The following SMIM43 variants were observed in gnomAD, a reference collection of about 807,000 sequenced individuals.
SMIM43 encodes Nodal Enhanced MEsendoderm Peptide.
chr4:121,762,162 A>G (rs1054504854), intron 3 of SMIM43, among the ~76,000 whole-genome samples: 2 of 152,208 alleles, frequency 1.3e-5, no homozygotes, highest in African/African-American at 4.8e-5. Context: ...CTTTAAAAAT[A>G]GATTTGGCAC....
chr4:121,765,220 C>A (rs1028166883), upstream of SMIM43: 9 of 383,142 alleles, frequency 2.3e-5, no homozygotes, highest in African/African-American at 8.3e-5. Flanking sequence ...GAGGGCGTCC[C>A]GCTATGGGCG....
chr4:121,760,106 T>A lies in SMIM43; in HGVS notation c.*868A>T. On this transcript the variant is annotated 3_prime_UTR_variant, in exon 6 of 6. Transcript: ENST00000643802. ...AGAGGGGAGCAGTGCTGCTTGGAGC[T>A]TTGACAGTTGTGAAGGAACTAGAGT... The A allele has an allele frequency of 1.2e-6, 1 of 836,114 alleles. No homozygotes were observed. Among genetic ancestry groups the A allele is most frequent in the Non-Finnish European group, 1.8e-6 (1 of 570,258 alleles). The allele number at this position is 836,114 out of a possible 1,614,324, so 51.8% of individuals were successfully genotyped here.
intron 2 of SMIM43, 85 bp from the exon 3 acceptor site, chr4:121,762,883 T>C (rs978149386): frequency 6.6e-6 from 1 of 152,360 alleles, no homozygotes; most frequent in Non-Finnish European, 1.5e-5. Context: ...AAGTGTGAAA[T>C]GATTGTTTTC....
Position 121,764,959 on chromosome 4 carries a change from C to A in SMIM43, c.147G>T (p.Ser49=). 2.5e-6 allele frequency: 1 copy of A among 398,548 alleles called. No individual in the cohort carries two copies. Among genetic ancestry groups the A allele is most frequent in the Non-Finnish European group, 4.4e-6 (1 of 225,700 alleles). 24.7% of individuals were successfully genotyped at this position (398,548 alleles called of 1,614,324 possible). A position where few individuals can be genotyped will look rare whatever the true frequency, so the allele number is the denominator to read the frequency against. The change falls in exon 1 of 6, where the codon TCG becomes TCT. Residue 49 remains serine (S), a synonymous_variant. Coordinates refer to ENST00000643802, the MANE Select transcript of SMIM43 (RefSeq NM_001384332.1). ...AGAAGCCCCAAGGCTCGCGGTGCAC[C>A]GAGAGGCGCCCGGGCTGGAGCGCCC... ...TAGALQPGRL[S]VHREPWGFSR... is the part of the protein sequence containing the mutation.
intron 2 of SMIM43, among the ~76,000 whole-genome samples, chr4:121,763,212 C>T (rs4833232): frequency 0.35 from 52,573 of 152,046 alleles, 11,305 homozygotes; most frequent in Admixed American, 0.52. Flanking sequence ...TATCTAATGT[C>T]TTGGGCCAAA....
rs746407759 is a variant in SMIM43, at chr4:121,761,603, A to C, written c.*434T>G. ...AATCCTGGCACCTTGCCATTCCCAG[A>C]AAAGCCAGTGCATGGCACACTCTGG... On this transcript the variant is annotated 3_prime_UTR_variant, in exon 5 of 6. Transcript: ENST00000643802. The C allele has an allele frequency of 1.9e-6, 3 of 1,613,336 alleles. No homozygotes were observed. Among genetic ancestry groups the C allele is most frequent in the Non-Finnish European group, 2.5e-6 (3 of 1,179,692 alleles).
intron 3 of SMIM43, chr4:121,762,474 C>T (rs1726122744): frequency 6.6e-6 from 1 of 152,304 alleles, no homozygotes; most frequent in Admixed American, 6.5e-5. Flanking sequence ...GCAGCAAGAT[C>T]TAAGAGCAAA....
chr4:121,760,345 G>C lies in SMIM43; in HGVS notation c.*629C>G. 1 of 1,613,946 alleles carries C rather than the reference G, an allele frequency of 6.2e-7. No homozygotes were observed. ...CCAATGACACAGTTCTGGCCAATGA[G>C]ATGAAGGCAAAAGTTATTGGGCTGC... On this transcript the variant is annotated 3_prime_UTR_variant, in exon 6 of 6. Coordinates refer to ENST00000643802, the MANE Select transcript of SMIM43 (RefSeq NM_001384332.1).
chr4:121,761,558 C>T lies in SMIM43; in HGVS notation c.*479G>A, dbSNP rs570766080. ...CTCACCTAGTTCCAAGTTTCCACCCCTGCAAGCGAACCAAAAACAAATCCT... is the reference window on the plus strand; with the variant it reads ...CTCACCTAGTTCCAAGTTTCCACCCTTGCAAGCGAACCAAAAACAAATCCT... On this transcript the variant is annotated 3_prime_UTR_variant, in exon 5 of 6. Transcript: ENST00000643802. The T allele has an allele frequency of 3.7e-6, 6 of 1,610,432 alleles. No homozygotes were observed. The African/African-American group carries it at 4.0e-5, about 11-fold the overall frequency.
At chr4:121,764,737 C>G in intron 1 of SMIM43, 80 bp downstream of exon 1, 1 of 393,620 alleles carries the variant, frequency 2.5e-6, no homozygotes. Flanking sequence ...CTGCGAGCCC[C>G]GGGCCTCCCA....
chr4:121,760,128 G>C lies in SMIM43; in HGVS notation c.*846C>G. The C allele has an allele frequency of 1.9e-6, 2 of 1,077,838 alleles. No homozygotes were observed. The highest frequency in any genetic ancestry group is 2.6e-6 in the Non-Finnish European group (2 of 768,052). 66.8% of individuals were successfully genotyped at this position (1,077,838 alleles called of 1,614,324 possible). A position where few individuals can be genotyped will look rare whatever the true frequency, so the allele number is the denominator to read the frequency against. ...AGCTTTGACAGTTGTGAAGGAACTAGAGTTTTGATCTTTTTGAACTTTATG... is the reference window on the plus strand; with the variant it reads ...AGCTTTGACAGTTGTGAAGGAACTACAGTTTTGATCTTTTTGAACTTTATG... On this transcript the variant is annotated 3_prime_UTR_variant, in exon 6 of 6. Transcript: ENST00000643802.
Position 121,761,712 on chromosome 4 carries a change from G to T in SMIM43, c.*342-17C>A. 1 of 1,610,992 alleles carries T rather than the reference G, an allele frequency of 6.2e-7. No individual in the cohort carries two copies. The highest frequency in any genetic ancestry group is 1.1e-5 in the South Asian group (1 of 89,862). On this transcript the variant is annotated splice_polypyrimidine_tract_variant and intron_variant, in intron 4 of 5. Coordinates refer to ENST00000643802, the MANE Select transcript of SMIM43 (RefSeq NM_001384332.1). Reference sequence around the variant, plus strand: ...AGCTGTGCCCTAAAATTGAAGTTCAGACATAGGAATCTACTTTATTAGACA... The same window carrying T: ...AGCTGTGCCCTAAAATTGAAGTTCATACATAGGAATCTACTTTATTAGACA...
intron 3 of SMIM43, 36 bp from the exon 4 acceptor site, chr4:121,761,928 TG>T: frequency 6.7e-7 from 1 of 1,500,444 alleles, no homozygotes; most frequent in Non-Finnish European, 9.2e-7. Flanking sequence ...TAATAACATT[TG>T]AAATAAAATA....
At chr4:121,762,577 G>C (rs951156611) in intron 3 of SMIM43, 150 bp downstream of exon 3, 2 of 152,124 alleles carry the variant, frequency 1.3e-5, no homozygotes, top group Admixed American at 1.3e-4. Flanking sequence ...GGATAAATGG[G>C]AACTTGGTCA....
Position 121,760,037 on chromosome 4 carries a change from T to G in SMIM43, c.*937A>C. 1 of 327,612 alleles carries G rather than the reference T, an allele frequency of 3.1e-6. No homozygotes were observed. The highest frequency in any genetic ancestry group is 5.3e-6 in the Non-Finnish European group (1 of 187,324). 20.3% of individuals were successfully genotyped at this position (327,612 alleles called of 1,614,324 possible). A position where few individuals can be genotyped will look rare whatever the true frequency, so the allele number is the denominator to read the frequency against. On this transcript the variant is annotated 3_prime_UTR_variant, in exon 6 of 6. Transcript: ENST00000643802. ...TGAGAGAGGTCAGCCCTGTCAAGAG[T>G]TTTGTGAGAACACCTGACATGCCTT...
chr4:121,761,964 G>T, intron 3 of SMIM43, 72 bp from the exon 4 acceptor site: 2 of 1,272,648 alleles, frequency 1.6e-6, no homozygotes, highest in Non-Finnish European at 2.2e-6. Context: ...TAGAATTATG[G>T]CTCATTTCCT....
At position 121,759,137 on chromosome 4, in the gene SMIM43, A is replaced by C. The variant is rs1353298725; in HGVS notation, c.*1837T>G. 1 of 152,228 alleles carries C rather than the reference A, an allele frequency of 6.6e-6. No homozygotes were observed. Among genetic ancestry groups the C allele is most frequent in the Non-Finnish European group, 1.5e-5 (1 of 68,034 alleles). The allele number at this position is 152,228 out of a possible 1,614,324, so 9.4% of individuals were successfully genotyped here. ...CACATAATAGTCACTAGGAAGGTGA[A>C]GTGGAGCAGTACTGCCATTTCTTCA... On this transcript the variant is annotated 3_prime_UTR_variant, in exon 6 of 6. Coordinates refer to ENST00000643802, the MANE Select transcript of SMIM43 (RefSeq NM_001384332.1).
intron 5 of SMIM43, among the ~76,000 whole-genome samples, chr4:121,760,863 T>C (rs900957832): frequency 9.7e-6 from 1 of 103,180 alleles, no homozygotes; most frequent in African/African-American, 4.2e-5. Flanking sequence ...GCAGAAATGT[T>C]TGGGCTTATT....
At chr4:121,761,503 A>T in intron 5 of SMIM43, 35 bp downstream of exon 5, 1 of 1,535,692 alleles carries the variant, frequency 6.5e-7, no homozygotes. Context: ...TAGAATGTCA[A>T]ACTAAAAATA....
Sources: allele counts gnomAD v4.1 joint callset (sites outside exome capture counted in the v4.1 genomes callset), GRCh38; gene constraint gnomAD v4.1.1; transcripts MANE v1.5; gene names NCBI Gene and HGNC (gene_info 2026-07-23, HGNC 2026-07-21).